USP5: variants seen among roughly 807,000 people sequenced by gnomAD.
The protein encoded by USP5 is ubiquitin carboxyl-terminal hydrolase 5.
In USP5, 24 loss-of-function variants were observed where a neutral mutation model predicts 102.5. That is an observed-to-expected ratio of 0.23 (90% CI 0.17 to 0.33). The LOEUF (loss-of-function observed/expected upper bound fraction) is 0.33, where lower values mean the gene tolerates loss of function less well. USP5 is among the 10% of genes least tolerant of loss of function. The pLI, the probability that USP5 is intolerant of heterozygous loss-of-function variation, is 1.00. For missense variants in USP5, 753 were observed against 1,122.1 expected, an observed-to-expected ratio of 0.67 and a Z score of 4.70; for synonymous variants, 460 against 434.8, an observed-to-expected ratio of 1.06 and a Z score of -0.72.
At position 6,858,669 on chromosome 12, in the gene USP5, G is replaced by A. The variant is rs782640593; in HGVS notation, c.1058+52G>A. The A allele has an allele frequency of 6.6e-7, 1 of 1,515,750 alleles. No individual in the cohort carries two copies. The highest frequency in any genetic ancestry group is 1.2e-5 in the South Asian group (1 of 85,166). 93.9% of individuals were successfully genotyped at this position (1,515,750 alleles called of 1,614,324 possible). ...GCCCCCTCCTGGTCAGCACCCTCTGGGCATACTCCTCCTTCAGCTTCCCTC... is the reference window on the plus strand; with the variant it reads ...GCCCCCTCCTGGTCAGCACCCTCTGAGCATACTCCTCCTTCAGCTTCCCTC... On this transcript the variant is annotated intron_variant, in intron 8 of 19. Coordinates refer to ENST00000229268, the MANE Select transcript of USP5 (RefSeq NM_001098536.2). The surrounding 1 kb of genome is among the most constrained non-coding windows in gnomAD (Gnocchi z 4.2).
rs962883026 is a variant in USP5, at chr12:6,866,433, T to C, written c.*356T>C. ...GTGCGCGTGGGTGTAGCTTTGTGCA[T>C]CCTCTCCCAGTGGAGCGATCACCTG... On this transcript the variant is annotated 3_prime_UTR_variant, in exon 20 of 20. Transcript: ENST00000229268. This position sits in a 1 kb window ranked among gnomAD's most constrained non-coding sequence, Gnocchi z 4.7. 2 of 234,576 alleles carry C rather than the reference T, an allele frequency of 8.5e-6. No individual in the cohort carries two copies. Among genetic ancestry groups the C allele is most frequent in the Non-Finnish European group, 1.7e-5 (2 of 116,704 alleles). 14.5% of individuals were successfully genotyped at this position (234,576 alleles called of 1,614,324 possible). A position where few individuals can be genotyped will look rare whatever the true frequency, so the allele number is the denominator to read the frequency against.
Position 6,866,120 on chromosome 12 carries a change from CCT to C in USP5, c.*44_*45del, listed in dbSNP as rs781787742. 10 of 1,569,630 alleles carry C rather than the reference CCT, an allele frequency of 6.4e-6. No individual in the cohort carries two copies. Among genetic ancestry groups the C allele is most frequent in the Non-Finnish European group, 6.1e-6 (7 of 1,139,998 alleles). ...TACCAATGAGGGCAGGGGAAGACCA[CCT>C]GGCATGAGGGAGAGGGGCTGAGGGA... On this transcript the variant is annotated 3_prime_UTR_variant, in exon 20 of 20. Transcript: ENST00000229268. The surrounding 1 kb of genome is among the most constrained non-coding windows in gnomAD (Gnocchi z 4.7).
rs1412989546 is a variant in USP5, at chr12:6,852,173, C to T, written c.-7C>T. On this transcript the variant is annotated 5_prime_UTR_variant, in exon 1 of 20. Coordinates refer to ENST00000229268, the MANE Select transcript of USP5 (RefSeq NM_001098536.2). ...CCGCCGTGTGTGGAGAAGCTGCTGCCGGTGTCATGGCGGAGCTGAGTGAGG... is the reference window on the plus strand; with the variant it reads ...CCGCCGTGTGTGGAGAAGCTGCTGCTGGTGTCATGGCGGAGCTGAGTGAGG... 3.1e-6 allele frequency: 5 copies of T among 1,608,320 alleles called. No homozygotes were observed. The highest frequency in any genetic ancestry group is 2.2e-5 in the East Asian group (1 of 44,672).
rs1944070349 is a variant in USP5, at chr12:6,855,177, T to C, written c.112-224T>C. ...GATGAGCTGGTGTTCCTCAGCCCCC[T>C]GATGTCCTTGTTGGTTGTTATCAAA... On this transcript the variant is annotated intron_variant, in intron 1 of 19. Coordinates refer to ENST00000229268, the MANE Select transcript of USP5 (RefSeq NM_001098536.2). The surrounding 1 kb of genome is among the most constrained non-coding windows in gnomAD (Gnocchi z 4.6). Among the ~76,000 whole-genome samples, 1 of 152,314 alleles carries C rather than the reference T, an allele frequency of 6.6e-6. No individual in the cohort carries two copies. The highest frequency in any genetic ancestry group is 2.4e-5 in the African/African-American group (1 of 41,568).
chr12:6,865,967 T>C lies in USP5; in HGVS notation c.2484-17T>C, dbSNP rs368437920. ...GCCCAGTTTGTTCATCCTTTTCTGT[T>C]TTCCCCACTTCCCCAGATGGGTGAT... On this transcript the variant is annotated splice_polypyrimidine_tract_variant and intron_variant, in intron 19 of 19. Coordinates refer to ENST00000229268, the MANE Select transcript of USP5 (RefSeq NM_001098536.2). 119 of 1,612,210 alleles carry C rather than the reference T, an allele frequency of 7.4e-5. 1 individual carries two copies. Among genetic ancestry groups the C allele is most frequent in the Middle Eastern group, 3.3e-4 (2 of 6,054 alleles).
At chr12:6,862,846 T>C (rs1255190661) in intron 14 of USP5, among the ~76,000 whole-genome samples, 1 of 152,240 alleles carries the variant, frequency 6.6e-6, no homozygotes, top group Admixed American at 6.5e-5. Flanking sequence ...TCGTGAGTCT[T>C]ACAGGTCCCT....
intron 9 of USP5, 76 bp downstream of exon 9, chr12:6,859,617 G>GAGGAGGAA: frequency 7.0e-7 from 1 of 1,428,454 alleles, no homozygotes; most frequent in Non-Finnish European, 9.9e-7. Context: ...GACCGCCTGG[G>GAGGAGGAA]GGGCACAGCA....
At chr12:6,853,195 AC>A (rs2138026980) in intron 1 of USP5, among the ~76,000 whole-genome samples, 1 of 151,100 alleles carries the variant, frequency 6.6e-6, no homozygotes, top group South Asian at 2.1e-4. Flanking sequence ...CGCCCCCCTC[AC>A]CACCCCTCCC....
chr12:6,865,041 C>G (rs1944394563), intron 18 of USP5, 123 bp from the exon 19 acceptor site: 13 of 1,281,036 alleles, frequency 1.0e-5, no homozygotes, highest in Non-Finnish European at 1.4e-5. Context: ...GGCTCTGGCC[C>G]AGTACCTGCC....
At position 6,857,690 on chromosome 12, in the gene USP5, C is replaced by A; in HGVS notation, c.831C>A (p.Ser277=). ...VLDPSLAEHL[S]HFGIDMLKMQ... ...ACCCCAGCCTGGCTGAGCACCTGTC[C>A]CACTTCGGCATCGACATGCTGAAGA... is the stretch of plus-strand genomic sequence containing the variant. Residue 277 remains serine, a synonymous_variant, in exon 7 of 20, where the codon TCC becomes TCA. Coordinates refer to ENST00000229268, the MANE Select transcript of USP5 (RefSeq NM_001098536.2). 1.2e-6 allele frequency: 2 copies of A among 1,614,114 alleles called. No individual in the cohort carries two copies. Among genetic ancestry groups the A allele is most frequent in the Non-Finnish European group, 1.7e-6 (2 of 1,180,028 alleles).
Position 6,862,467 on chromosome 12 carries a change from T to G in USP5, c.1674-3T>G. On this transcript the variant is annotated splice_region_variant and splice_polypyrimidine_tract_variant and intron_variant, in intron 13 of 19. Coordinates refer to ENST00000229268, the MANE Select transcript of USP5 (RefSeq NM_001098536.2). ...GGGTACCAGCACAGTCTCTCTTCCC[T>G]AGGACCACACGATTTGCCTCATTCC... The G allele has an allele frequency of 1.2e-6, 2 of 1,613,748 alleles. No individual in the cohort carries two copies. Among genetic ancestry groups the G allele is most frequent in the Non-Finnish European group, 1.7e-6 (2 of 1,179,664 alleles).
Position 6,861,169 on chromosome 12 carries a change from G to A in USP5, c.1498+63G>A. ...AGGCTAAGGTCTAGGAGGAATGCTT[G>A]GGCACCTCATGGGAGCACAGCCCAG... On this transcript the variant is annotated intron_variant, in intron 12 of 19. Coordinates refer to ENST00000229268, the MANE Select transcript of USP5 (RefSeq NM_001098536.2). This position sits in a 1 kb window ranked among gnomAD's most constrained non-coding sequence, Gnocchi z 4.9. 1 of 1,595,684 alleles carries A rather than the reference G, an allele frequency of 6.3e-7. No individual in the cohort carries two copies. The highest frequency in any genetic ancestry group is 8.5e-7 in the Non-Finnish European group (1 of 1,170,446).
chr12:6,862,669 T>C, intron 14 of USP5, 111 bp downstream of exon 14: 1 of 947,682 alleles, frequency 1.1e-6, no homozygotes, highest in Non-Finnish European at 1.6e-6. Context: ...GGAAAAAAAA[T>C]CACCTTCAAT....
rs1315916494 is a variant in USP5, at chr12:6,861,898, G to A, written c.1673+281G>A. On this transcript the variant is annotated intron_variant, in intron 13 of 19. Transcript: ENST00000229268. The surrounding 1 kb of genome is among the most constrained non-coding windows in gnomAD (Gnocchi z 4.9). ...TCTTCATTGCCCCTCAGTCATGGCT[G>A]AGCACAGGCACTTAGGATCAGCTGT... 1.3e-5 allele frequency among the ~76,000 whole-genome samples: 2 copies of A among 152,180 alleles called. No individual in the cohort carries two copies. The highest frequency in any genetic ancestry group is 2.9e-5 in the Non-Finnish European group (2 of 68,028).
chr12:6,865,870 G>A (rs891824118), intron 19 of USP5, 114 bp from the exon 20 acceptor site: 5 of 877,846 alleles, frequency 5.7e-6, no homozygotes, highest in South Asian at 1.5e-5. Context: ...TGTGGATTTG[G>A]GGTATGGGCA....
In USP5 at chr12:6,856,987, T is replaced by C; in HGVS notation, c.769+96T>C. On this transcript the variant is annotated intron_variant, in intron 6 of 19. Transcript: ENST00000229268. This position sits in a 1 kb window ranked among gnomAD's most constrained non-coding sequence, Gnocchi z 5.6. ...TGTATAATACATGAATGCATTATCT[T>C]GATAAGAAAGGAAAGTAGTCAGGTG... 6.9e-7 allele frequency: 1 copy of C among 1,439,928 alleles called. No individual in the cohort carries two copies. The highest frequency in any genetic ancestry group is 1.4e-5 in the South Asian group (1 of 73,504). 89.2% of individuals were successfully genotyped at this position (1,439,928 alleles called of 1,614,324 possible).
chr12:6,852,321 A>T (rs1196618035), intron 1 of USP5, 31 bp downstream of exon 1: 1 of 1,581,720 alleles, frequency 6.3e-7, no homozygotes, highest in East Asian at 2.3e-5. Context: ...CGCAACGAGC[A>T]CGACTTCCTT....
At chr12:6,853,686 A>G (rs782187846) in intron 1 of USP5, among the ~76,000 whole-genome samples, 1 of 152,226 alleles carries the variant, frequency 6.6e-6, no homozygotes, top group Non-Finnish European at 1.5e-5. Flanking sequence ...TAATCTTCTG[A>G]AACTTTCCCT....
intron 1 of USP5, among the ~76,000 whole-genome samples, chr12:6,854,962 C>T (rs551607616): frequency 6.6e-6 from 1 of 152,056 alleles, no homozygotes; most frequent in Non-Finnish European, 1.5e-5. Flanking sequence ...CACGAAGGGA[C>T]CCTTTTTCCC....
Sources: gnomAD v4.1 joint callset for allele counts (sites outside exome capture counted in the v4.1 genomes callset) on GRCh38, gnomAD v4.1.1 for gene constraint, Gnocchi (gnomAD v3.1) non-coding constraint, MANE v1.5 for transcripts, NCBI Gene and HGNC (gene_info 2026-07-23, HGNC 2026-07-21) for gene names.